Variants in C12orf54 observed in about 807,000 individuals in gnomAD.
The protein encoded by C12orf54 is uncharacterized protein C12orf54.
In C12orf54, 24 loss-of-function variants were observed where a neutral mutation model predicts 26.4. The observed-to-expected ratio is 0.91, with a 90% CI of 0.66 to 1.28. The LOEUF (loss-of-function observed/expected upper bound fraction) is 1.28. C12orf54 is among the 50% of genes most tolerant of loss of function. C12orf54 has a pLI of 0.00. For synonymous variants in C12orf54, 54 were observed against 47.0 expected (o/e 1.15, Z -0.61); for missense variants, 154 against 150.9 (o/e 1.02, Z -0.11).
chr12:48,483,667 CTA>C (rs1954224725), intron 2 of C12orf54: 1 of 238,066 alleles, frequency 4.2e-6, no homozygotes. Context: ...TTTATATCCT[CTA>C]TAGTGTAAAT....
At position 48,492,927 on chromosome 12, in the gene C12orf54, C is replaced by G; in HGVS notation, c.194-20C>G. 1.9e-6 allele frequency: 3 copies of G among 1,611,642 alleles called. No homozygotes were observed. The highest frequency in any genetic ancestry group is 2.2e-5 in the East Asian group (1 of 44,860). On this transcript the variant is annotated intron_variant, in intron 6 of 8. Coordinates refer to ENST00000548364, the MANE Select transcript of C12orf54 (RefSeq NM_152319.4). ...TCCAGGCCCCTGTAACAGAATGACT[C>G]TTCTCTGTGTCCACTTTAGGGATGA...
the C12orf54 span, among the ~76,000 whole-genome samples, chr12:48,444,313 T>C: frequency 2.0e-5 from 3 of 152,190 alleles, no homozygotes; most frequent in Non-Finnish European, 2.9e-5. Flanking sequence ...TGCTGGAAAG[T>C]CAGGGAATCA....
the C12orf54 span, among the ~76,000 whole-genome samples, chr12:48,425,866 A>G: frequency 9.3e-5 from 14 of 150,196 alleles, no homozygotes; most frequent in Admixed American, 4.0e-4. Flanking sequence ...TGCTGGCCAC[A>G]TATATATCTT....
At chr12:48,470,682 C>T in the C12orf54 span, among the ~76,000 whole-genome samples, 400 of 137,434 alleles carry the variant, frequency 2.9e-3, no homozygotes, top group Admixed American at 4.7e-3. Context: ...CCCACTGGTC[C>T]ATTTTTTTTT....
At chr12:48,452,724 T>A in the C12orf54 span, among the ~76,000 whole-genome samples, 1 of 152,132 alleles carries the variant, frequency 6.6e-6, no homozygotes, top group African/African-American at 2.4e-5. Flanking sequence ...AAAGAAGACA[T>A]ACATGTGATG....
intron 7 of C12orf54, among the ~76,000 whole-genome samples, chr12:48,494,036 C>T (rs372097337): frequency 0.37 from 35,508 of 97,106 alleles, 8,330 homozygotes; most frequent in East Asian, 0.77. Context: ...CTGACCAACA[C>T]AGTGAAACCC....
At chr12:48,495,376 T>C (rs1937890318) in intron 8 of C12orf54, among the ~76,000 whole-genome samples, 1 of 152,324 alleles carries the variant, frequency 6.6e-6, no homozygotes, top group South Asian at 2.1e-4. Context: ...GAAAGTGCTC[T>C]AGAAACTTGC....
At chr12:48,425,932 C>CTTTT in the C12orf54 span, among the ~76,000 whole-genome samples, 245 of 134,754 alleles carry the variant, frequency 1.8e-3, 4 homozygotes, top group East Asian at 0.03. Flanking sequence ...GGTTGTTTGG[C>CTTTT]TTTTTTTTTT....
the C12orf54 span, among the ~76,000 whole-genome samples, chr12:48,430,166 A>G: frequency 3.3e-5 from 5 of 152,234 alleles, no homozygotes; most frequent in African/African-American, 9.6e-5. Context: ...AGATGGATTA[A>G]AGAATTAAAC....
At chr12:48,418,635 A>T in the C12orf54 span, among the ~76,000 whole-genome samples, 6 of 152,196 alleles carry the variant, frequency 3.9e-5, no homozygotes, top group African/African-American at 1.4e-4. Flanking sequence ...AAATCATATT[A>T]ATTAGAAAAG....
At chr12:48,473,404 A>C in the C12orf54 span, 3 of 790,122 alleles carry the variant, frequency 3.8e-6, no homozygotes, top group African/African-American at 5.2e-5. Flanking sequence ...GAGGGAGAAG[A>C]CGATGCCTAA....
At chr12:48,445,367 A>G in the C12orf54 span, among the ~76,000 whole-genome samples, 11 of 151,926 alleles carry the variant, frequency 7.2e-5, no homozygotes, top group Non-Finnish European at 1.2e-4. Context: ...CCAACTGGAC[A>G]GGTTTGCCCC....
In C12orf54 at chr12:48,488,976, CT is replaced by C. The variant is rs142410491; in HGVS notation, c.168+21del. 81,228 of 1,610,180 alleles carry C rather than the reference CT, an allele frequency of 0.05. 2,649 individuals are homozygous for C. The highest frequency in any genetic ancestry group is 0.12 in the South Asian group (11,247 of 90,904). On this transcript the variant is annotated intron_variant, in intron 5 of 8. Coordinates refer to ENST00000548364, the MANE Select transcript of C12orf54 (RefSeq NM_152319.4). ...AAGGAGGTGAGATTAGATTTTGATT[CT>C]CTGAATTCCCCAGCCCCATCATGTG...
the C12orf54 span, chr12:48,473,250 G>A: frequency 9.0e-7 from 1 of 1,105,344 alleles, no homozygotes; most frequent in Non-Finnish European, 1.4e-6. Context: ...GGATGAGGAG[G>A]AGGAACGTGA....
chr12:48,415,596 A>G, the C12orf54 span, among the ~76,000 whole-genome samples: 15 of 151,018 alleles, frequency 9.9e-5, no homozygotes, highest in African/African-American at 3.4e-4. Flanking sequence ...GCTGTGCCTC[A>G]GTTTCTCTTG....
chr12:48,474,142 A>C, the C12orf54 span, among the ~76,000 whole-genome samples: 18 of 151,718 alleles, frequency 1.2e-4, no homozygotes, highest in African/African-American at 4.4e-4. Flanking sequence ...TCTTTACAAG[A>C]AAAAAAAACT....
At chr12:48,485,896 C>A (rs1444885712) in intron 2 of C12orf54, among the ~76,000 whole-genome samples, 1 of 152,110 alleles carries the variant, frequency 6.6e-6, no homozygotes, top group Non-Finnish European at 1.5e-5. Context: ...AGGAGAATGA[C>A]AAGGTTTAAT....
chr12:48,440,083 A>G, the C12orf54 span, among the ~76,000 whole-genome samples: 1 of 151,956 alleles, frequency 6.6e-6, no homozygotes, highest in Non-Finnish European at 1.5e-5. Context: ...AAATTCGCCA[A>G]CTATGGTGAC....
At chr12:48,488,670 C>T (rs979308702) in intron 4 of C12orf54, among the ~76,000 whole-genome samples, 3 of 152,160 alleles carry the variant, frequency 2.0e-5, no homozygotes, top group Non-Finnish European at 4.4e-5. Flanking sequence ...ATTCAATGCA[C>T]AGCCCAGTCT....
Sources: gnomAD v4.1 joint callset for allele counts (sites outside exome capture counted in the v4.1 genomes callset) on GRCh38, gnomAD v4.1.1 for gene constraint, MANE v1.5 for transcripts, NCBI Gene and HGNC (gene_info 2026-07-23, HGNC 2026-07-21) for gene names.